Variants in RNLS observed in about 807,000 individuals in gnomAD.
The protein encoded by RNLS is renalase.
A neutral mutation model predicts 39.8 loss-of-function variants in RNLS; 39 were observed. That is an observed-to-expected ratio of 0.98 (90% confidence interval 0.76 to 1.28). The LOEUF (loss-of-function observed/expected upper bound fraction) is 1.28, where lower values mean the gene tolerates loss of function less well. Among genes scored for constraint, RNLS ranks in the 50% most tolerant of loss-of-function variants. RNLS has a pLI of 0.00. For missense variants in RNLS, 410 were observed against 413.3 expected (o/e 0.99, Z 0.07); for synonymous variants, 147 against 150.7 (o/e 0.98, Z 0.18).
chr10:88,490,253 A>C (rs904005871), intron 4 of RNLS, among the ~76,000 whole-genome samples: 1 of 152,212 alleles, frequency 6.6e-6, no homozygotes, highest in African/African-American at 2.4e-5. Flanking sequence ...CGTGATTTAT[A>C]AGTTTATAAA....
intron 4 of RNLS, among the ~76,000 whole-genome samples, chr10:88,415,537 T>C (rs886712748): frequency 4.6e-5 from 7 of 152,194 alleles, no homozygotes; most frequent in African/African-American, 1.7e-4. Flanking sequence ...TTTGTGTATC[T>C]ATAGAAAAAC....
the RNLS span, chr10:88,259,416 C>A: frequency 6.6e-6 from 1 of 152,194 alleles, no homozygotes; most frequent in Non-Finnish European, 1.5e-5. Flanking sequence ...TGCTAACACA[C>A]ATTTTCTCAA....
Position 88,577,469 on chromosome 10 carries a change from C to T in RNLS, c.367+4098G>A, listed in dbSNP as rs560976799. ...GACAAAGTACCTGAGTCTCATTCTT[C>T]GCATTAACAAATAGGGATGATGATT... On this transcript the variant is annotated intron_variant, in intron 3 of 6. Coordinates refer to ENST00000331772, the MANE Select transcript of RNLS (RefSeq NM_001031709.3). Among the ~76,000 whole-genome samples, 18 of 152,268 alleles carry T rather than the reference C, an allele frequency of 1.2e-4. No individual in the cohort carries two copies. The South Asian group carries it at 1.5e-3, about 12-fold the overall frequency.
intron 4 of RNLS, among the ~76,000 whole-genome samples, chr10:88,443,581 C>G (rs1329229687): frequency 6.6e-6 from 1 of 152,228 alleles, no homozygotes; most frequent in East Asian, 1.9e-4. Flanking sequence ...AAAGCTGTGA[C>G]AGACGGCACC....
At chr10:88,262,474 G>A in the RNLS span, among the ~76,000 whole-genome samples, 1 of 152,162 alleles carries the variant, frequency 6.6e-6, no homozygotes, top group African/African-American at 2.4e-5. Context: ...TTCAGCCCCA[G>A]GAAGATGGCC....
intron 4 of RNLS, among the ~76,000 whole-genome samples, chr10:88,464,221 G>A (rs1843086540): frequency 6.6e-6 from 1 of 152,114 alleles, no homozygotes; most frequent in Admixed American, 6.6e-5. Flanking sequence ...CAGAAAGCTT[G>A]TAGAAACAGC....
the RNLS span, among the ~76,000 whole-genome samples, chr10:88,245,089 C>T: frequency 6.6e-6 from 1 of 152,190 alleles, no homozygotes; most frequent in Non-Finnish European, 1.5e-5. Flanking sequence ...AAAGGAAAAG[C>T]TTTGCCCATA....
chr10:88,246,314 A>G, the RNLS span, among the ~76,000 whole-genome samples: 2 of 152,106 alleles, frequency 1.3e-5, no homozygotes, highest in Admixed American at 6.5e-5. Context: ...AAATCCAATC[A>G]CAAACTTTTT....
the RNLS span, among the ~76,000 whole-genome samples, chr10:88,250,653 T>G: frequency 6.6e-6 from 1 of 152,228 alleles, no homozygotes; most frequent in African/African-American, 2.4e-5. Context: ...TTTTAAGTGT[T>G]GCAAATTAAC....
At chr10:88,480,787 TTGTGTGTG>T (rs60584908) in intron 4 of RNLS, among the ~76,000 whole-genome samples, 5 of 147,540 alleles carry the variant, frequency 3.4e-5, no homozygotes, top group African/African-American at 7.5e-5. Flanking sequence ...TCCTGTGTCT[TTGTGTGTG>T]TGTGTGTGTG....
At chr10:88,562,775 A>T (rs999629212) in intron 4 of RNLS, among the ~76,000 whole-genome samples, 6 of 152,176 alleles carry the variant, frequency 3.9e-5, no homozygotes, top group Non-Finnish European at 7.3e-5. Flanking sequence ...AAAAGAAAAA[A>T]ATAAATAGTA....
At chr10:88,340,413 T>C (rs17111193) in intron 5 of RNLS, among the ~76,000 whole-genome samples, 2,127 of 151,598 alleles carry the variant, frequency 0.014, 55 homozygotes, top group African/African-American at 0.048. Flanking sequence ...CCTCAGGAGA[T>C]TGATTTCAAA....
chr10:88,257,671 G>A, the RNLS span, among the ~76,000 whole-genome samples: 1 of 152,160 alleles, frequency 6.6e-6, no homozygotes, highest in African/African-American at 2.4e-5. Context: ...GGGGTAAACA[G>A]GGGAAGAGAA....
intron 4 of RNLS, among the ~76,000 whole-genome samples, chr10:88,409,182 C>G (rs1269752819): frequency 6.6e-6 from 1 of 152,042 alleles, no homozygotes; most frequent in African/African-American, 2.4e-5. Flanking sequence ...AGAGGGATCA[C>G]AAATTACTTC....
the RNLS span, among the ~76,000 whole-genome samples, chr10:88,239,473 C>G: frequency 6.6e-6 from 1 of 152,168 alleles, no homozygotes; most frequent in African/African-American, 2.4e-5. Context: ...TACCCAAACT[C>G]TAGATGAGCC....
chr10:88,468,526 A>G (rs747205054), intron 4 of RNLS, among the ~76,000 whole-genome samples: 18 of 152,130 alleles, frequency 1.2e-4, no homozygotes, highest in Non-Finnish European at 2.2e-4. Flanking sequence ...ACTGATAGGA[A>G]CCACAGTTTT....
At chr10:88,544,816 G>A (rs1848216858) in intron 4 of RNLS, among the ~76,000 whole-genome samples, 1 of 152,072 alleles carries the variant, frequency 6.6e-6, no homozygotes, top group African/African-American at 2.4e-5. Context: ...GGCTTTGGTG[G>A]GAAATATGAC....
At chr10:88,252,435 C>G in the RNLS span, among the ~76,000 whole-genome samples, 1 of 152,178 alleles carries the variant, frequency 6.6e-6, no homozygotes, top group African/African-American at 2.4e-5. Flanking sequence ...GACAAGTACA[C>G]TGTGCAGTTT....
chr10:88,294,047 A>C (rs1377579293), intron 6 of RNLS, among the ~76,000 whole-genome samples: 1 of 152,210 alleles, frequency 6.6e-6, no homozygotes, highest in African/African-American at 2.4e-5. Context: ...GGTAGTAACC[A>C]TCTAAGGGTT....
Sources: allele counts gnomAD v4.1 joint callset (sites outside exome capture counted in the v4.1 genomes callset), GRCh38; gene constraint gnomAD v4.1.1; transcripts MANE v1.5; gene names NCBI Gene and HGNC (gene_info 2026-07-23, HGNC 2026-07-21).